The following ANKHD1 variants were observed in gnomAD, a reference collection of about 807,000 sequenced individuals.
ANKHD1 encodes the protein ankyrin repeat and KH domain-containing protein 1.
In ANKHD1, 31 loss-of-function variants were observed where a neutral mutation model predicts 230.5. The observed-to-expected ratio is 0.13, with a 90% confidence interval of 0.10 to 0.18. The LOEUF (loss-of-function observed/expected upper bound fraction) is 0.18. Ranked by LOEUF, ANKHD1 falls within the 10% of genes least tolerant of loss-of-function variation. ANKHD1 has a pLI of 1.00. For synonymous variants in ANKHD1, 1,074 were observed against 1,117.6 expected, an observed-to-expected ratio of 0.96 and a Z score of 0.78; for missense variants, 2,256 against 3,071.3, an observed-to-expected ratio of 0.73 and a Z score of 6.27.
At chr5:140,457,834 C>T (rs1775331482) in intron 7 of ANKHD1, among the ~76,000 whole-genome samples, 1 of 151,426 alleles carries the variant, frequency 6.6e-6, no homozygotes, top group Non-Finnish European at 1.5e-5. Flanking sequence ...GCACATGTAC[C>T]CTAGAACTTA....
At chr5:140,443,639 C>T (rs1445373540) in intron 5 of ANKHD1, among the ~76,000 whole-genome samples, 4 of 150,130 alleles carry the variant, frequency 2.7e-5, no homozygotes, top group Non-Finnish European at 4.4e-5. Context: ...TGCAGTGAGC[C>T]GAGATCGTGT....
rs1436332400 is a variant in ANKHD1, at chr5:140,478,123, G to A, written c.1783-4457G>A. 3.9e-5 allele frequency among the ~76,000 whole-genome samples: 6 copies of A among 152,122 alleles called. No individual in the cohort carries two copies. In the East Asian group the frequency reaches 9.6e-4, roughly 24 times the overall value. On this transcript the variant is annotated intron_variant, in intron 10 of 33. Transcript: ENST00000360839. The stretch of plus-strand genomic sequence containing the variant: ...ACAAAGGAAGAAGAAAATAATAAAA[G>A]CAGGAGAACACCTTGTTCTATCATA...
intron 14 of ANKHD1, 68 bp from the exon 15 acceptor site, chr5:140,496,452 T>A: frequency 8.9e-7 from 1 of 1,129,406 alleles, no homozygotes; most frequent in Middle Eastern, 3.2e-4. Context: ...TCTTTTTTTT[T>A]TTTCTTTTCT....
chr5:140,423,960 C>T (rs1282399223), intron 1 of ANKHD1, among the ~76,000 whole-genome samples: 1 of 152,138 alleles, frequency 6.6e-6, no homozygotes, highest in African/African-American at 2.4e-5. Context: ...GCTGTCTTGT[C>T]ATTCTGTCAC....
chr5:140,415,949 C>G (rs1771343505), intron 1 of ANKHD1, among the ~76,000 whole-genome samples: 1 of 152,070 alleles, frequency 6.6e-6, no homozygotes, highest in African/African-American at 2.4e-5. Context: ...CCCCTGACCC[C>G]ACGACAGGCC....
chr5:140,496,884 C>T lies in ANKHD1; in HGVS notation c.2610C>T (p.His870=). The change falls in exon 15 of 34, where the codon CAC becomes CAT. Residue 870 remains histidine, a synonymous_variant. Transcript: ENST00000360839. ...TKGQKDTVSL[H]QQCSHRGVFP... is the part of the protein sequence containing the mutation. ...GTCAGAAAGACACAGTGTCTCTACA[C>T]CAACAGTGCTCTCATAGAGGAGTCT... 6.2e-7 allele frequency: 1 copy of T among 1,614,132 alleles called. No homozygotes were observed. The highest frequency in any genetic ancestry group is 8.5e-7 in the Non-Finnish European group (1 of 1,180,030).
chr5:140,414,239 T>A (rs1771172012), intron 1 of ANKHD1, among the ~76,000 whole-genome samples: 1 of 152,198 alleles, frequency 6.6e-6, no homozygotes, highest in Non-Finnish European at 1.5e-5. Context: ...CATATGGTAA[T>A]TCTATTTTTA....
chr5:140,465,619 A>G (rs1167585213), intron 10 of ANKHD1, among the ~76,000 whole-genome samples: 1 of 152,218 alleles, frequency 6.6e-6, no homozygotes, highest in East Asian at 1.9e-4. Flanking sequence ...AGAAAAAACT[A>G]TGCAAGTATT....
chr5:140,403,051 C>T (rs1451482801), intron 1 of ANKHD1, among the ~76,000 whole-genome samples: 6 of 142,894 alleles, frequency 4.2e-5, no homozygotes, highest in Non-Finnish European at 9.0e-5. Context: ...CTCACTGCAA[C>T]CTCCGCCTCC....
Position 140,401,843 on chromosome 5 carries a change from T to G in ANKHD1, c.-125T>G. 7.2e-7 allele frequency: 1 copy of G among 1,392,580 alleles called. No homozygotes were observed. The allele number at this position is 1,392,580 out of a possible 1,614,324, so 86.3% of individuals were successfully genotyped here. ...GGCAGCAGGTTAGGCAGTGAGAAGTTAGTGGCGCTGCTGGGACGGGGGAAA... is the reference window on the plus strand; with the variant it reads ...GGCAGCAGGTTAGGCAGTGAGAAGTGAGTGGCGCTGCTGGGACGGGGGAAA... On this transcript the variant is annotated 5_prime_UTR_variant, in exon 1 of 34. Coordinates refer to ENST00000360839, the MANE Select transcript of ANKHD1 (RefSeq NM_017747.3).
chr5:140,494,023 A>G (rs1202192638), intron 14 of ANKHD1, among the ~76,000 whole-genome samples: 2 of 152,230 alleles, frequency 1.3e-5, no homozygotes, highest in Non-Finnish European at 1.5e-5. Flanking sequence ...CTTAGTAGCT[A>G]TACAAGGGTG....
rs1753609645 is a variant in ANKHD1, at chr5:140,526,463, TA to T, written c.4940+22del. The T allele has an allele frequency of 2.5e-6, 4 of 1,589,160 alleles. No homozygotes were observed. Among genetic ancestry groups the T allele is most frequent in the Non-Finnish European group, 3.4e-6 (4 of 1,169,146 alleles). On this transcript the variant is annotated intron_variant, in intron 26 of 33. Coordinates refer to ENST00000360839, the MANE Select transcript of ANKHD1 (RefSeq NM_017747.3). ...GACACGGTAAATTTTTCTGATTTGT[TA>T]ACTCTACCTGCACCTTTCCTTCTTC...
Position 140,497,091 on chromosome 5 carries a change from T to G in ANKHD1, c.2817T>G (p.Ser939Arg), listed in dbSNP as rs750351365. Reference sequence around the variant, plus strand: ...CATCTCCACAGTGTAACTTTTCCAGTGACTTAGGTTCTAATGGGACAAATT... The same window carrying G: ...CATCTCCACAGTGTAACTTTTCCAGGGACTTAGGTTCTAATGGGACAAATT... ...PLSSPQCNFS[S>R]DLGSNGTNSL... Residue 939 changes from serine (S) to arginine (R), a missense_variant, in exon 15 of 34, where the codon AGT becomes AGG. Ser to Arg is a moderately radical substitution (Grantham distance 110, BLOSUM62 -1). Around this residue, in one of 13 missense-constraint regions of ANKHD1, gnomAD observed 358 missense variants for 397.7 expected, o/e 0.90. Transcript: ENST00000360839. The G allele has an allele frequency of 6.2e-7, 1 of 1,614,188 alleles. No individual in the cohort carries two copies. The highest frequency in any genetic ancestry group is 1.6e-4 in the Middle Eastern group (1 of 6,062).
Position 140,487,069 on chromosome 5 carries a change from T to G in ANKHD1, c.2245+9T>G, listed in dbSNP as rs771319419. Reference sequence around the variant, plus strand: ...TTTAGGAGTGCAAAAAGGTTAGTTATTGAATTATTTTTCTTAAAATGGGTA... The same window carrying G: ...TTTAGGAGTGCAAAAAGGTTAGTTAGTGAATTATTTTTCTTAAAATGGGTA... On this transcript the variant is annotated intron_variant, in intron 14 of 33. Coordinates refer to ENST00000360839, the MANE Select transcript of ANKHD1 (RefSeq NM_017747.3). 3 of 1,599,664 alleles carry G rather than the reference T, an allele frequency of 1.9e-6. No individual in the cohort carries two copies. Among genetic ancestry groups the G allele is most frequent in the Non-Finnish European group, 1.7e-6 (2 of 1,175,118 alleles).
intron 14 of ANKHD1, among the ~76,000 whole-genome samples, chr5:140,489,039 A>G (rs1034424164): frequency 4.6e-5 from 7 of 152,060 alleles, no homozygotes; most frequent in African/African-American, 1.7e-4. Flanking sequence ...AAAATACAAA[A>G]GTTAGCCAGG....
chr5:140,433,041 A>G (rs1209984863), intron 1 of ANKHD1, among the ~76,000 whole-genome samples: 1 of 150,288 alleles, frequency 6.7e-6, no homozygotes, highest in African/African-American at 2.5e-5. Flanking sequence ...TTCATCTCCA[A>G]GCCCCACCCC....
rs1581242903 is a variant in ANKHD1, at chr5:140,435,987, A to C, written c.307-117A>C. On this transcript the variant is annotated intron_variant, in intron 1 of 33. Coordinates refer to ENST00000360839, the MANE Select transcript of ANKHD1 (RefSeq NM_017747.3). ...ATTCCCATACTCCCTTGTTTCTATA[A>C]TAATTTTTCTGCTTATATTTAAGTT... 2.3e-6 allele frequency: 3 copies of C among 1,290,350 alleles called. No individual in the cohort carries two copies. In the East Asian group the frequency reaches 8.6e-5, roughly 37 times the overall value. 79.9% of individuals were successfully genotyped at this position (1,290,350 alleles called of 1,614,324 possible).
chr5:140,425,563 T>C (rs1428712499), intron 1 of ANKHD1, among the ~76,000 whole-genome samples: 2 of 147,180 alleles, frequency 1.4e-5, no homozygotes, highest in Non-Finnish European at 3.0e-5. Context: ...CAGGCCTCTT[T>C]TCTGTTTTTT....
intron 1 of ANKHD1, among the ~76,000 whole-genome samples, chr5:140,414,946 C>T (rs564703961): frequency 2.0e-5 from 3 of 152,182 alleles, no homozygotes; most frequent in Admixed American, 1.3e-4. Flanking sequence ...CAAATATTTG[C>T]CTTCATTCTG....
Sources: gnomAD v4.1 joint callset for allele counts (sites outside exome capture counted in the v4.1 genomes callset) on GRCh38, gnomAD v4.1.1 for gene constraint, gnomAD v4.1.1 regional missense constraint, MANE v1.5 for transcripts, NCBI Gene and HGNC (gene_info 2026-07-23, HGNC 2026-07-21) for gene names.